The following TUB variants were observed in gnomAD, a reference collection of about 807,000 sequenced individuals.
TUB encodes the protein TUB bipartite transcription factor.
TUB carries 33 observed loss-of-function variants against 59.7 expected under a neutral mutation model. That is an observed-to-expected ratio of 0.55 (90% CI 0.42 to 0.74). TUB has a LOEUF of 0.74. Among genes scored for constraint, TUB ranks in the 30% least tolerant of loss-of-function variants. The pLI, the probability that TUB is intolerant of heterozygous loss-of-function variation, is 0.00. For missense variants in TUB, 659 were observed against 672.0 expected, an observed-to-expected ratio of 0.98 and a Z score of 0.21; for synonymous variants, 293 against 256.4, an observed-to-expected ratio of 1.14 and a Z score of -1.36.
rs1380243212 is a variant in TUB, at chr11:8,104,384, T to G, written c.*2765T>G. On this transcript the variant is annotated 3_prime_UTR_variant, in exon 12 of 12. Transcript: ENST00000299506. ...TCCCCAACTCTTCTCCAAGTCTAGC[T>G]TTCCTTTCCTTCTGGCTCCAAGGTG... The G allele has an allele frequency of 1.3e-5, 2 of 152,360 alleles. No homozygotes were observed. The highest frequency in any genetic ancestry group is 1.3e-4 in the Admixed American group (2 of 15,292). 9.4% of individuals were successfully genotyped at this position (152,360 alleles called of 1,614,324 possible). A position where few individuals can be genotyped will look rare whatever the true frequency, so the allele number is the denominator to read the frequency against.
In TUB at chr11:8,095,614, G is replaced by C. The variant is rs774024433; in HGVS notation, c.514G>C (p.Gly172Arg). ...GGACGCAGGGGAGACGGCAGCTGGT[G>C]GGGGCGAACGGCCCAGCGGGCAGGA... Reference protein sequence around the residue: ...AQDAGETAAGGGERPSGQDLR... With the variant: ...AQDAGETAAGRGERPSGQDLR... Residue 172 changes from glycine to arginine, a missense_variant, in exon 5 of 12, where the codon GGG (glycine) becomes CGG (arginine). Physicochemically the swap from Gly to Arg is moderately radical, Grantham distance 125. This residue lies in a region of TUB where 321 missense variants were observed against 304.3 expected (regional missense o/e 1.05). Transcript: ENST00000299506. 6.2e-7 allele frequency: 1 copy of C among 1,611,776 alleles called. No individual in the cohort carries two copies. Among genetic ancestry groups the C allele is most frequent in the Non-Finnish European group, 8.5e-7 (1 of 1,179,410 alleles).
chr11:8,021,008 T>G (rs1482033107), intron 1 of TUB, among the ~76,000 whole-genome samples: 1 of 152,140 alleles, frequency 6.6e-6, no homozygotes, highest in South Asian at 2.1e-4. Flanking sequence ...TTGAGCTAAT[T>G]CCATATAGTA....
intron 6 of TUB, among the ~76,000 whole-genome samples, 156 bp from the exon 7 acceptor site, chr11:8,097,072 T>C (rs1040042181): frequency 6.6e-6 from 1 of 152,086 alleles, no homozygotes; most frequent in Non-Finnish European, 1.5e-5. Flanking sequence ...GCTGGGAAGA[T>C]AGCTTCTGAC....
At chr11:8,034,466 G>A (rs994647556), upstream of TUB, among the ~76,000 whole-genome samples, 10 of 152,172 alleles carry the variant, frequency 6.6e-5, no homozygotes, top group Non-Finnish European at 1.3e-4. Context: ...GGAGTCCTTT[G>A]CTGGATCATC....
intron 1 of TUB, among the ~76,000 whole-genome samples, chr11:8,028,395 A>C (rs531689080): frequency 6.6e-6 from 1 of 152,166 alleles, no homozygotes; most frequent in Non-Finnish European, 1.5e-5. Context: ...TTGTCTTCTC[A>C]CTTTCTTGAT....
chr11:8,033,261 G>A (rs898726632), intron 1 of TUB, among the ~76,000 whole-genome samples: 1 of 152,194 alleles, frequency 6.6e-6, no homozygotes, highest in Non-Finnish European at 1.5e-5. Context: ...CTGAGTTCAG[G>A]GGTCCGTTTC....
chr11:8,044,358 A>G (rs1942796808), intron 2 of TUB, among the ~76,000 whole-genome samples: 1 of 152,212 alleles, frequency 6.6e-6, no homozygotes, highest in Non-Finnish European at 1.5e-5. Flanking sequence ...TTTAGATACT[A>G]TGTTTTTCAT....
In TUB at chr11:8,039,608, A is replaced by G. The variant is rs141759946; in HGVS notation, c.156-37A>G. On this transcript the variant is annotated intron_variant, in intron 1 of 12. Transcript: ENST00000305253. ...GGCAGGGATGATGAGGTGAGGCTGC[A>G]AGGATGTGGAGAGTCACCCCTTCTT... is the stretch of plus-strand genomic sequence containing the variant. 316 of 1,447,658 alleles carry G rather than the reference A, an allele frequency of 2.2e-4. 1 individual carries two copies. In the East Asian group the frequency reaches 6.1e-3, roughly 28 times the overall value. The allele number at this position is 1,447,658 out of a possible 1,614,324, so 89.7% of individuals were successfully genotyped here.
chr11:8,078,049 A>G (rs1943478275), upstream of TUB, among the ~76,000 whole-genome samples: 1 of 152,188 alleles, frequency 6.6e-6, no homozygotes, highest in Admixed American at 6.5e-5. Context: ...TGTCACCTTA[A>G]GTATAGCACA....
upstream of TUB, among the ~76,000 whole-genome samples, chr11:8,080,778 C>T (rs557469895): frequency 1.4e-4 from 22 of 152,294 alleles, no homozygotes; most frequent in African/African-American, 4.8e-4. Context: ...GGTGTGGGAA[C>T]TCGGAGGTGG....
Position 8,106,077 on chromosome 11 carries a change from T to C in TUB, c.*4458T>C, listed in dbSNP as rs1417920108. The C allele has an allele frequency of 1.3e-5, 2 of 152,228 alleles. No individual in the cohort carries two copies. The highest frequency in any genetic ancestry group is 2.9e-5 in the Non-Finnish European group (2 of 68,040). The allele number at this position is 152,228 out of a possible 1,614,324, so 9.4% of individuals were successfully genotyped here. A position where few individuals can be genotyped will look rare whatever the true frequency, so the allele number is the denominator to read the frequency against. On this transcript the variant is annotated 3_prime_UTR_variant, in exon 12 of 12. Transcript: ENST00000299506. The stretch of plus-strand genomic sequence containing the variant: ...CAAATTTGCAAAACTGTGCTTTTAT[T>C]GACTTTTTGAATAAACTTTGGTATT...
upstream of TUB, among the ~76,000 whole-genome samples, chr11:8,036,667 A>G (rs1942651445): frequency 6.6e-6 from 1 of 152,230 alleles, no homozygotes; most frequent in African/African-American, 2.4e-5. Context: ...AGGAGGTTTC[A>G]TAATCACCAT....
In TUB at chr11:8,102,563, C is replaced by T. The variant is rs1169375810; in HGVS notation, c.*944C>T. On this transcript the variant is annotated 3_prime_UTR_variant, in exon 12 of 12. Transcript: ENST00000299506. ...GCCTGGGAATCCTGCTGCCAGAGAA[C>T]CATTCCCAAGCCATGGCATGCTCCT... 6.6e-6 allele frequency: 1 copy of T among 152,218 alleles called. No individual in the cohort carries two copies. Among genetic ancestry groups the T allele is most frequent in the East Asian group, 1.9e-4 (1 of 5,192 alleles). 9.4% of individuals were successfully genotyped at this position (152,218 alleles called of 1,614,324 possible).
At chr11:8,027,167 CA>C (rs1294423375) in intron 1 of TUB, among the ~76,000 whole-genome samples, 2 of 152,152 alleles carry the variant, frequency 1.3e-5, no homozygotes, top group Non-Finnish European at 2.9e-5. Flanking sequence ...AAGTCCGTGG[CA>C]TCAGTTACAT....
At position 8,086,727 on chromosome 11, in the gene TUB, T is replaced by C. The variant is rs186672159; in HGVS notation, c.39-2883T>C. On this transcript the variant is annotated intron_variant, in intron 1 of 11. Transcript: ENST00000299506. ...TCTTGCTCAGCCAGGCACAGGTGGC[T>C]TCTCCCCGGTGGCCGCCCCCCAGCT... is the stretch of plus-strand genomic sequence containing the variant. 6.9e-3 allele frequency among the ~76,000 whole-genome samples: 1,047 copies of C among 152,190 alleles called. 34 individuals carry two copies. The highest frequency in any genetic ancestry group is 0.056 in the Admixed American group (854 of 15,276).
At chr11:8,089,583 C>G (rs1317299552) in intron 1 of TUB, 27 bp from the exon 2 acceptor site, 10 of 1,613,878 alleles carry the variant, frequency 6.2e-6, no homozygotes, top group Non-Finnish European at 8.5e-6. Flanking sequence ...ACGGGCAAGC[C>G]CTGAAAACCC....
chr11:8,038,105 C>T (rs1288553125), upstream of TUB, among the ~76,000 whole-genome samples: 3 of 152,140 alleles, frequency 2.0e-5, no homozygotes, highest in African/African-American at 4.8e-5. Flanking sequence ...AGTGATGTCA[C>T]TCACAGAGAC....
intron 1 of TUB, among the ~76,000 whole-genome samples, chr11:8,027,676 G>T (rs1344761121): frequency 6.6e-6 from 1 of 152,014 alleles, no homozygotes; most frequent in African/African-American, 2.4e-5. Context: ...CACAACGCCT[G>T]GCTATTTTTT....
Position 8,094,197 on chromosome 11 carries a change from C to T in TUB, c.397+8C>T, listed in dbSNP as rs757873439. On this transcript the variant is annotated splice_region_variant and intron_variant, in intron 4 of 11. Coordinates refer to ENST00000299506, the MANE Select transcript of TUB (RefSeq NM_177972.3). The stretch of plus-strand genomic sequence containing the variant: ...AGAAGGGAAAGCACAAAGGTCAGCT[C>T]ACATTCTCTACAGCCCTCCCCAGCA... 8 of 1,608,384 alleles carry T rather than the reference C, an allele frequency of 5.0e-6. No homozygotes were observed. In the South Asian group the frequency reaches 8.9e-5, roughly 18 times the overall value.
Sources: gnomAD v4.1 joint callset for allele counts (sites outside exome capture counted in the v4.1 genomes callset) on GRCh38, gnomAD v4.1.1 for gene constraint, gnomAD v4.1.1 regional missense constraint, MANE v1.5 for transcripts, NCBI Gene and HGNC (gene_info 2026-07-23, HGNC 2026-07-21) for gene names.